The following FAM174C variants were observed in gnomAD, a reference collection of about 807,000 sequenced individuals.
The protein encoded by FAM174C is protein FAM174C.
FAM174C carries 19 observed loss-of-function variants against 12.3 expected under a neutral mutation model. The ratio of observed to expected loss-of-function variants is 1.55; its 90% confidence interval spans 1.08 to 2.27. FAM174C has a LOEUF of 2.27. FAM174C is among the 30% of genes most tolerant of loss of function. The probability of loss-of-function intolerance (pLI) is 0.00; values close to 1 mark genes in which losing one functional copy is unlikely to be tolerated. For missense variants in FAM174C, 239 were observed against 190.2 expected, an observed-to-expected ratio of 1.26 and a Z score of -1.51; for synonymous variants, 147 against 103.5, an observed-to-expected ratio of 1.42 and a Z score of -2.55.
chr19:1,276,275 C>T (rs1186469012), intron 1 of FAM174C: 1 of 172,384 alleles, frequency 5.8e-6, no homozygotes, highest in East Asian at 1.8e-4. Flanking sequence ...CCCACTGAAG[C>T]TGGTTCGTCG....
chr19:1,277,304 G>T lies in FAM174C; in HGVS notation c.398+5G>T. The T allele has an allele frequency of 6.5e-7, 1 of 1,542,806 alleles. No homozygotes were observed. The highest frequency in any genetic ancestry group is 8.8e-7 in the Non-Finnish European group (1 of 1,140,338). ...TGAGTCCCGGAATCTGAGATGGTGTGCACCCTTCCCCAGCTCTGGGGCCTC... is the reference window on the plus strand; with the variant it reads ...TGAGTCCCGGAATCTGAGATGGTGTTCACCCTTCCCCAGCTCTGGGGCCTC... On this transcript the variant is annotated splice_donor_5th_base_variant and intron_variant, in intron 2 of 2. Transcript: ENST00000409293.
In FAM174C at chr19:1,279,104, C is replaced by T; in HGVS notation, c.*327C>T. The T allele has an allele frequency of 6.2e-7, 1 of 1,612,904 alleles. No individual in the cohort carries two copies. The highest frequency in any genetic ancestry group is 1.1e-5 in the South Asian group (1 of 91,092). ...CCTTGCCTGACTGTGACTTGTGCCT[C>T]TCTCCTGCCCCCGTGGGGACATGGC... On this transcript the variant is annotated 3_prime_UTR_variant, in exon 3 of 3. Coordinates refer to ENST00000409293, the MANE Select transcript of FAM174C (RefSeq NM_017914.4).
At chr19:1,277,843 C>T (rs1000091381) in intron 2 of FAM174C, 1 of 154,986 alleles carries the variant, frequency 6.5e-6, no homozygotes, top group Non-Finnish European at 1.4e-5. Context: ...GGCACGATCT[C>T]TGCTCACTGC....
In FAM174C at chr19:1,275,579, G is replaced by A. The variant is rs964820812; in HGVS notation, c.30G>A (p.Leu10=). MGPRVLQPP[L]LLLLLALLLA... Reference sequence around the variant, plus strand: ...GGCCGCGCGTGCTGCAGCCGCCGCTGCTGCTGCTCCTGCTGGCGCTGCTGC... The same window carrying A: ...GGCCGCGCGTGCTGCAGCCGCCGCTACTGCTGCTCCTGCTGGCGCTGCTGC... The change falls in exon 1 of 3, where the codon CTG becomes CTA. Residue 10 remains leucine (L), a synonymous_variant. Transcript: ENST00000409293. 16 of 1,229,146 alleles carry A rather than the reference G, an allele frequency of 1.3e-5. No homozygotes were observed. In the Admixed American group the frequency reaches 2.6e-4, roughly 20 times the overall value. 76.1% of individuals were successfully genotyped at this position (1,229,146 alleles called of 1,614,324 possible). A position where few individuals can be genotyped will look rare whatever the true frequency, so the allele number is the denominator to read the frequency against.
chr19:1,275,737 CG>C lies in FAM174C; in HGVS notation c.193del (p.Ala65ArgfsTer6). The C allele has an allele frequency of 2.0e-6, 3 of 1,534,328 alleles. No homozygotes were observed. On this transcript the variant is annotated frameshift_variant, in exon 1 of 3. Coordinates refer to ENST00000409293, the MANE Select transcript of FAM174C (RefSeq NM_017914.4). LOFTEE classifies it high-confidence loss of function. ...APHNSTHTRPPGASGSALTRS... is the reference protein window; with the variant it reads ...APHNSTHTRPXGASGSALTRS... Reference sequence around the variant, plus strand: ...CACAACAGCACGCACACGCGTCCGCCGGGGGCGTCGGGCTCGGCGCTGACGC... The same window carrying C: ...CACAACAGCACGCACACGCGTCCGCCGGGGCGTCGGGCTCGGCGCTGACGC...
intron 2 of FAM174C, among the ~76,000 whole-genome samples, chr19:1,278,076 T>C (rs1419500654): frequency 1.1e-5 from 1 of 91,878 alleles, no homozygotes; most frequent in Non-Finnish European, 2.3e-5. Flanking sequence ...TGGTCAGCCT[T>C]CTTGCTTTTT....
rs139554306 is a variant in FAM174C, at chr19:1,277,805, G to A, written c.398+506G>A. Reference sequence around the variant, plus strand: ...TTGTTTTGTTTTGAGATGGAGTTTCGCTCTTGTTGCCCAGGCTGGAGTGCA... The same window carrying A: ...TTGTTTTGTTTTGAGATGGAGTTTCACTCTTGTTGCCCAGGCTGGAGTGCA... On this transcript the variant is annotated intron_variant, in intron 2 of 2. Transcript: ENST00000409293. 471 of 154,016 alleles carry A rather than the reference G, an allele frequency of 3.1e-3. 3 individuals carry two copies. The highest frequency in any genetic ancestry group is 0.011 in the African/African-American group (438 of 40,710). 9.5% of individuals were successfully genotyped at this position (154,016 alleles called of 1,614,324 possible).
chr19:1,277,261 C>T lies in FAM174C; in HGVS notation c.360C>T (p.Ser120=), dbSNP rs566677899. The change falls in exon 2 of 3, where the codon AGC becomes AGT. Residue 120 remains serine (S), a synonymous_variant. Transcript: ENST00000409293. ...CCACGGAGATGGCCTCGCTGGACAG[C>T]GACGAGGAGACGGTGTTTGAGTCCC... is the stretch of plus-strand genomic sequence containing the variant. The part of the protein sequence containing the change: ...EDPTEMASLD[S]DEETVFESRN... 2.0e-5 allele frequency: 31 copies of T among 1,549,088 alleles called. 1 individual carries two copies. The African/African-American group carries it at 2.6e-4, about 13-fold the overall frequency.
At chr19:1,277,146 G>A in intron 1 of FAM174C, 37 bp from the exon 2 acceptor site, 2 of 1,514,806 alleles carry the variant, frequency 1.3e-6, no homozygotes, top group Non-Finnish European at 8.9e-7. Flanking sequence ...AGGGTTGGCG[G>A]GGAGGGGCCA....
At chr19:1,275,952 T>C (rs2081412386) in intron 1 of FAM174C, 122 bp downstream of exon 1, 1 of 917,498 alleles carries the variant, frequency 1.1e-6, no homozygotes, top group South Asian at 1.6e-5. Context: ...CTCTCCCTGT[T>C]GGAGTGGGCG....
Position 1,278,638 on chromosome 19 carries a change from G to A in FAM174C, c.*-139G>A, listed in dbSNP as rs569009487. ...CAGGGCCCAGGAGGCCGGGGAGGGA[G>A]GCCAGTGGGGGGAGGCTGGGCCCTG... On this transcript the variant is annotated intron_variant, in intron 2 of 2. Coordinates refer to ENST00000409293, the MANE Select transcript of FAM174C (RefSeq NM_017914.4). 2,077 of 1,484,784 alleles carry A rather than the reference G, an allele frequency of 1.4e-3. 11 individuals carry two copies. Among genetic ancestry groups the A allele is most frequent in the Middle Eastern group, 4.4e-3 (18 of 4,064 alleles). The allele number at this position is 1,484,784 out of a possible 1,614,324, so 92.0% of individuals were successfully genotyped here. A position where few individuals can be genotyped will look rare whatever the true frequency, so the allele number is the denominator to read the frequency against.
intron 1 of FAM174C, chr19:1,276,965 AGGG>A: frequency 1.7e-6 from 1 of 572,482 alleles, no homozygotes; most frequent in East Asian, 3.6e-5. Flanking sequence ...GGGAGATGGG[AGGG>A]CCTGGTAGGG....
Position 1,275,974 on chromosome 19 carries a change from G to A in FAM174C, c.281+144G>A, listed in dbSNP as rs889425732. 5 of 789,464 alleles carry A rather than the reference G, an allele frequency of 6.3e-6. No homozygotes were observed. The African/African-American group carries it at 7.4e-5, about 12-fold the overall frequency. 48.9% of individuals were successfully genotyped at this position (789,464 alleles called of 1,614,324 possible). On this transcript the variant is annotated intron_variant, in intron 1 of 2. Transcript: ENST00000409293. ...TGTTGGAGTGGGCGTGGGCGGTGCT[G>A]TGCGGGGTCGTCACGTGGTGTGGGC...
chr19:1,277,167 C>G lies in FAM174C; in HGVS notation c.282-16C>G. 1 of 1,533,970 alleles carries G rather than the reference C, an allele frequency of 6.5e-7. No homozygotes were observed. The highest frequency in any genetic ancestry group is 8.8e-7 in the Non-Finnish European group (1 of 1,133,056). ...GGCGGGGAGGGGCCACTGACTATGCCTGGACCTACTTCCAGGTTGAAGAAG... is the reference window on the plus strand; with the variant it reads ...GGCGGGGAGGGGCCACTGACTATGCGTGGACCTACTTCCAGGTTGAAGAAG... On this transcript the variant is annotated splice_polypyrimidine_tract_variant and intron_variant, in intron 1 of 2. Transcript: ENST00000409293.
In FAM174C at chr19:1,275,788, T is replaced by A; in HGVS notation, c.239T>A (p.Phe80Tyr). 1 of 1,539,416 alleles carries A rather than the reference T, an allele frequency of 6.5e-7. No individual in the cohort carries two copies. ...LTRSFYVILG[F>Y]CGLTALYFLI... Reference sequence around the variant, plus strand: ...CGCTCCTTCTACGTGATCCTGGGCTTCTGCGGCCTGACCGCGCTCTACTTC... The same window carrying A: ...CGCTCCTTCTACGTGATCCTGGGCTACTGCGGCCTGACCGCGCTCTACTTC... The change falls in exon 1 of 3, where the codon TTC (phenylalanine) becomes TAC (tyrosine). Residue 80 changes from phenylalanine (F) to tyrosine (Y), a missense_variant. Coordinates refer to ENST00000409293, the MANE Select transcript of FAM174C (RefSeq NM_017914.4).
rs560405706 is a variant in FAM174C, at chr19:1,275,939, C to CCTCT, written c.281+113_281+116dup. The CCTCT allele has an allele frequency of 3.2e-4, 327 of 1,007,858 alleles. 1 individual carries two copies. In the South Asian group the frequency reaches 3.9e-3, roughly 12 times the overall value. 62.4% of individuals were successfully genotyped at this position (1,007,858 alleles called of 1,614,324 possible). A position where few individuals can be genotyped will look rare whatever the true frequency, so the allele number is the denominator to read the frequency against. ...CCTCCCCTCCCTCCCTCCCTCCCTC[C>CCTCT]CTCTCTCCCTGTTGGAGTGGGCGTG... On this transcript the variant is annotated intron_variant, in intron 1 of 2. Coordinates refer to ENST00000409293, the MANE Select transcript of FAM174C (RefSeq NM_017914.4).
intron 2 of FAM174C, among the ~76,000 whole-genome samples, chr19:1,278,476 A>G (rs992169313): frequency 5.3e-5 from 8 of 152,020 alleles, no homozygotes; most frequent in African/African-American, 1.9e-4. Flanking sequence ...GCCTCTGGGG[A>G]CAGCTCTGAC....
Position 1,279,082 on chromosome 19 carries a change from T to C in FAM174C, c.*305T>C, listed in dbSNP as rs2081428391. 2.5e-6 allele frequency: 4 copies of C among 1,612,478 alleles called. No individual in the cohort carries two copies. The highest frequency in any genetic ancestry group is 3.4e-6 in the Non-Finnish European group (4 of 1,179,994). ...ACCGCCCAGGACGCTGAGGCTCCCT[T>C]GCCTGACTGTGACTTGTGCCTCTCT... On this transcript the variant is annotated 3_prime_UTR_variant, in exon 3 of 3. Coordinates refer to ENST00000409293, the MANE Select transcript of FAM174C (RefSeq NM_017914.4).
chr19:1,276,094 C>T (rs545631360), intron 1 of FAM174C: 15 of 496,394 alleles, frequency 3.0e-5, no homozygotes, highest in African/African-American at 2.3e-4. Context: ...TGACGCTGCC[C>T]GTTTCCCAGG....
Sources: gnomAD v4.1 joint callset for allele counts (sites outside exome capture counted in the v4.1 genomes callset) on GRCh38, gnomAD v4.1.1 for gene constraint, MANE v1.5 for transcripts, NCBI Gene and HGNC (gene_info 2026-07-23, HGNC 2026-07-21) for gene names.